The following SLC35F4 variants were observed in gnomAD, a reference collection of about 807,000 sequenced individuals.
The protein encoded by SLC35F4 is chromosome 14 open reading frame 36.
In SLC35F4, 24 loss-of-function variants were observed where a neutral mutation model predicts 44.2. That is an observed-to-expected ratio of 0.54 (90% CI 0.39 to 0.76). The LOEUF is 0.76. SLC35F4 is among the 30% of genes least tolerant of loss of function. The pLI is 0.00. For synonymous variants in SLC35F4, 238 were observed against 223.6 expected (o/e 1.06, Z -0.57); for missense variants, 562 against 586.1 (o/e 0.96, Z 0.42).
chr14:57,849,802 A>G (rs1458295391), intron 1 of SLC35F4, among the ~76,000 whole-genome samples: 2 of 152,218 alleles, frequency 1.3e-5, no homozygotes, highest in East Asian at 3.8e-4. Context: ...TCTCAAATTC[A>G]TACTGCTTAA....
chr14:57,821,175 G>A (rs368778336), intron 1 of SLC35F4, among the ~76,000 whole-genome samples: 1 of 152,108 alleles, frequency 6.6e-6, no homozygotes, highest in Non-Finnish European at 1.5e-5. Context: ...AAGTCACACA[G>A]ACAACTTCTT....
Position 57,699,709 on chromosome 14 carries a change from T to C in SLC35F4, c.104-105585A>G, listed in dbSNP as rs182636984. ...GGGGGAAAGAATTGAAGAAATTCTA[T>C]TTCCTTATAGTAAACAAGCCAACTA... On this transcript the variant is annotated intron_variant, in intron 1 of 7. Coordinates refer to ENST00000556826, the MANE Select transcript of SLC35F4 (RefSeq NM_001306087.2). Among the ~76,000 whole-genome samples, 36 of 152,342 alleles carry C rather than the reference T, an allele frequency of 2.4e-4. No individual in the cohort carries two copies. In the East Asian group the frequency reaches 6.2e-3, roughly 26 times the overall value.
intron 1 of SLC35F4, among the ~76,000 whole-genome samples, chr14:57,689,253 C>T (rs562927982): frequency 2.0e-5 from 3 of 152,134 alleles, no homozygotes; most frequent in African/African-American, 4.8e-5. Context: ...ACCCTCAACT[C>T]GTCTCTGTCT....
chr14:57,931,013 G>A (rs1048147136), intron 1 of SLC35F4, among the ~76,000 whole-genome samples: 1 of 152,146 alleles, frequency 6.6e-6, no homozygotes, highest in Non-Finnish European at 1.5e-5. Context: ...CACTTTATGG[G>A]AAAATGAAGT....
At chr14:57,968,234 T>C (rs1257749471) in intron 1 of SLC35F4, among the ~76,000 whole-genome samples, 2 of 152,222 alleles carry the variant, frequency 1.3e-5, no homozygotes, top group Admixed American at 1.3e-4. Context: ...TAAAAAGTTA[T>C]TTCACAAGTA....
chr14:57,791,874 A>G lies in SLC35F4; in HGVS notation c.103+73849T>C, dbSNP rs542672263. Among the ~76,000 whole-genome samples the G allele has an allele frequency of 2.4e-4, 36 of 152,246 alleles. No homozygotes were observed. In the South Asian group the frequency reaches 7.5e-3, roughly 32 times the overall value. On this transcript the variant is annotated intron_variant, in intron 1 of 7. Coordinates refer to ENST00000556826, the MANE Select transcript of SLC35F4 (RefSeq NM_001306087.2). ...CAAACTGACACAGGAACAGAAAACT[A>G]AACACCACATGTTCTCACTCATAAG... is the stretch of plus-strand genomic sequence containing the variant.
chr14:57,699,330 A>G lies in SLC35F4; in HGVS notation c.104-105206T>C, dbSNP rs76235628. Among the ~76,000 whole-genome samples, 779 of 152,284 alleles carry G rather than the reference A, an allele frequency of 5.1e-3. 8 individuals are homozygous for G. Among genetic ancestry groups the G allele is most frequent in the African/African-American group, 0.018 (728 of 41,558 alleles). ...ATGCCAATGTTTAGGAAGGTGATGA[A>G]TATGTCATGAAGAGGCCCCCAAGCT... On this transcript the variant is annotated intron_variant, in intron 1 of 7. Transcript: ENST00000556826.
At chr14:57,631,213 C>A (rs1822625115) in intron 1 of SLC35F4, 1 of 151,964 alleles carries the variant, frequency 6.6e-6, no homozygotes, top group Admixed American at 6.6e-5. Context: ...TTGTTAACCC[C>A]ACTGTCTTAG....
At chr14:57,958,978 A>G (rs1890294757) in intron 1 of SLC35F4, among the ~76,000 whole-genome samples, 1 of 152,152 alleles carries the variant, frequency 6.6e-6, no homozygotes, top group Non-Finnish European at 1.5e-5. Flanking sequence ...CAAAGGAAAA[A>G]CAAAGCCAGA....
chr14:57,824,385 G>A (rs1043371052), intron 1 of SLC35F4, among the ~76,000 whole-genome samples: 3 of 152,200 alleles, frequency 2.0e-5, no homozygotes, highest in Admixed American at 6.6e-5. Context: ...AAGAGATAGA[G>A]AGTAGATGGT....
At chr14:57,975,580 G>A (rs955222864), downstream of SLC35F4, among the ~76,000 whole-genome samples, 2 of 152,182 alleles carry the variant, frequency 1.3e-5, no homozygotes, top group African/African-American at 4.8e-5. Flanking sequence ...AGAGTGTTAA[G>A]GAGGGAGTCG....
chr14:57,718,928 G>T lies in SLC35F4; in HGVS notation c.104-124804C>A, dbSNP rs1009498867. Among the ~76,000 whole-genome samples, 3 of 152,142 alleles carry T rather than the reference G, an allele frequency of 2.0e-5. No homozygotes were observed. In the East Asian group the frequency reaches 5.8e-4, roughly 29 times the overall value. ...GGAAACTTTTGCCCAATATCTTGAAGAACTTCCCTAAAATTTTCTTGTAGT... is the reference window on the plus strand; with the variant it reads ...GGAAACTTTTGCCCAATATCTTGAATAACTTCCCTAAAATTTTCTTGTAGT... On this transcript the variant is annotated intron_variant, in intron 1 of 7. Coordinates refer to ENST00000556826, the MANE Select transcript of SLC35F4 (RefSeq NM_001306087.2).
chr14:57,609,935 C>G (rs1178042959), intron 1 of SLC35F4, among the ~76,000 whole-genome samples: 1 of 152,150 alleles, frequency 6.6e-6, no homozygotes, highest in East Asian at 1.9e-4. Context: ...CCACATGCTC[C>G]CAGCCTCCAG....
intron 1 of SLC35F4, among the ~76,000 whole-genome samples, chr14:57,807,590 T>C (rs1881476863): frequency 6.6e-6 from 1 of 151,882 alleles, no homozygotes; most frequent in Non-Finnish European, 1.5e-5. Context: ...ACTGATTGAT[T>C]TGAAAAAACT....
At chr14:57,939,777 G>A (rs1889882634) in intron 1 of SLC35F4, among the ~76,000 whole-genome samples, 1 of 152,156 alleles carries the variant, frequency 6.6e-6, no homozygotes, top group Non-Finnish European at 1.5e-5. Context: ...ACAAAATAAA[G>A]ATATTACATT....
intron 1 of SLC35F4, among the ~76,000 whole-genome samples, chr14:57,712,425 AG>A (rs771513441): frequency 6.6e-6 from 1 of 152,212 alleles, no homozygotes; most frequent in Non-Finnish European, 1.5e-5. Context: ...TGCTAGTGAA[AG>A]GTAAAATTGC....
chr14:57,805,031 C>A (rs989723452), intron 1 of SLC35F4, among the ~76,000 whole-genome samples: 44 of 152,230 alleles, frequency 2.9e-4, no homozygotes, highest in African/African-American at 8.2e-4. Flanking sequence ...AGCTCAACAT[C>A]ACTGATCATT....
chr14:57,906,684 T>C (rs558551030), intron 1 of SLC35F4, among the ~76,000 whole-genome samples: 10 of 152,318 alleles, frequency 6.6e-5, no homozygotes, highest in African/African-American at 1.7e-4. Flanking sequence ...GCAGGTATCT[T>C]ACATTGGATA....
intron 1 of SLC35F4, among the ~76,000 whole-genome samples, chr14:57,598,959 ACCCTGAAAAGGCTG>A (rs570889171): frequency 5.9e-5 from 9 of 152,198 alleles, no homozygotes; most frequent in African/African-American, 2.2e-4. Flanking sequence ...CATAATATGT[ACCCTGAAAAGGCTG>A]CCCTGAAAAG....
Sources: gnomAD v4.1 joint callset for allele counts (sites outside exome capture counted in the v4.1 genomes callset) on GRCh38, gnomAD v4.1.1 for gene constraint, MANE v1.5 for transcripts, NCBI Gene and HGNC (gene_info 2026-07-23, HGNC 2026-07-21) for gene names.